VPS36: variants seen among roughly 807,000 people sequenced by gnomAD.
VPS36 encodes vacuolar protein-sorting-associated protein 36.
VPS36 carries 31 observed loss-of-function variants against 63.5 expected under a neutral mutation model. The ratio of observed to expected loss-of-function variants is 0.49; its 90% CI spans 0.37 to 0.66. The LOEUF (loss-of-function observed/expected upper bound fraction) is 0.66, where lower values mean the gene tolerates loss of function less well. VPS36 is among the 30% of genes least tolerant of loss of function. VPS36 has a pLI of 0.00. For missense variants in VPS36, 338 were observed against 463.7 expected, an observed-to-expected ratio of 0.73 and a Z score of 2.49; for synonymous variants, 138 against 157.2, an observed-to-expected ratio of 0.88 and a Z score of 0.91.
At chr13:52,426,837 G>A (rs1741990765) in intron 8 of VPS36, 152 bp downstream of exon 8, 2 of 518,804 alleles carry the variant, frequency 3.9e-6, no homozygotes, top group Admixed American at 4.1e-5. Flanking sequence ...CCTGGGCGAC[G>A]GAGCGACACT....
At chr13:52,424,879 T>C (rs767901467) in intron 9 of VPS36, among the ~76,000 whole-genome samples, 13 of 151,614 alleles carry the variant, frequency 8.6e-5, no homozygotes, top group Admixed American at 1.3e-4. Flanking sequence ...TCCCAGCTAC[T>C]CAGGAGGCTG....
intron 9 of VPS36, among the ~76,000 whole-genome samples, chr13:52,424,895 G>A (rs1256014517): frequency 1.3e-5 from 2 of 152,082 alleles, no homozygotes. Context: ...GGCTGAGGCA[G>A]GAGAATCGCT....
In VPS36 at chr13:52,415,682, T is replaced by C. The variant is rs1349381612; in HGVS notation, c.*148A>G. 4 of 795,846 alleles carry C rather than the reference T, an allele frequency of 5.0e-6. No homozygotes were observed. Among genetic ancestry groups the C allele is most frequent in the African/African-American group, 1.7e-5 (1 of 57,916 alleles). The allele number at this position is 795,846 out of a possible 1,614,324, so 49.3% of individuals were successfully genotyped here. On this transcript the variant is annotated 3_prime_UTR_variant, in exon 14 of 14. Transcript: ENST00000378060. Reference sequence around the variant, plus strand: ...TATACTAAATAAATTTCCTGGACCATATTTAGTGAGAAATTAAAAGAGATT... The same window carrying C: ...TATACTAAATAAATTTCCTGGACCACATTTAGTGAGAAATTAAAAGAGATT...
At chr13:52,430,390 T>C (rs912924459) in intron 6 of VPS36, among the ~76,000 whole-genome samples, 1 of 152,198 alleles carries the variant, frequency 6.6e-6, no homozygotes, top group Non-Finnish European at 1.5e-5. Flanking sequence ...CCCAGCACTT[T>C]GGGAGGCTGA....
In VPS36 at chr13:52,412,631, T is replaced by A. The variant is rs748810511; in HGVS notation, c.*3199A>T. ...TATGTGTTCAAAAAAATGTTTTTTTTATTGAATTGAATGGGAGCTAAAGTA... is the reference window on the plus strand; with the variant it reads ...TATGTGTTCAAAAAAATGTTTTTTTAATTGAATTGAATGGGAGCTAAAGTA... On this transcript the variant is annotated 3_prime_UTR_variant, in exon 14 of 14. Coordinates refer to ENST00000378060, the MANE Select transcript of VPS36 (RefSeq NM_016075.4). The A allele has an allele frequency of 3.3e-5, 5 of 152,218 alleles. No individual in the cohort carries two copies. The highest frequency in any genetic ancestry group is 6.5e-5 in the Admixed American group (1 of 15,280). The allele number at this position is 152,218 out of a possible 1,614,324, so 9.4% of individuals were successfully genotyped here.
At chr13:52,424,848 C>T (rs1019461626) in intron 9 of VPS36, among the ~76,000 whole-genome samples, 2 of 151,904 alleles carry the variant, frequency 1.3e-5, no homozygotes, top group Non-Finnish European at 2.9e-5. Context: ...ATTAGCTGGG[C>T]GTGGTGGTGG....
At chr13:52,437,630 T>C (rs868736638) in intron 3 of VPS36, among the ~76,000 whole-genome samples, 3 of 152,194 alleles carry the variant, frequency 2.0e-5, no homozygotes, top group Non-Finnish European at 4.4e-5. Context: ...CTTCATTAAA[T>C]TTTAAATTTA....
chr13:52,439,667 C>T (rs1465478754), intron 2 of VPS36, among the ~76,000 whole-genome samples: 3 of 152,010 alleles, frequency 2.0e-5, no homozygotes, highest in Non-Finnish European at 1.5e-5. Context: ...AGGATGGTCT[C>T]GATCTCCTGA....
Position 52,416,246 on chromosome 13 carries a change from A to G in VPS36, c.991-153T>C, listed in dbSNP as rs1957991282. 2.2e-5 allele frequency: 16 copies of G among 740,076 alleles called. No individual in the cohort carries two copies. The South Asian group carries it at 2.7e-4, about 13-fold the overall frequency. The allele number at this position is 740,076 out of a possible 1,614,324, so 45.8% of individuals were successfully genotyped here. On this transcript the variant is annotated intron_variant, in intron 12 of 13. Transcript: ENST00000378060. ...CTAAAATCCAAAGAACATTCACACT[A>G]TAACTAAATTTTAACTAATGCTTAA...
intron 9 of VPS36, among the ~76,000 whole-genome samples, chr13:52,425,506 T>G (rs554162455): frequency 6.6e-6 from 1 of 152,278 alleles, no homozygotes; most frequent in East Asian, 1.9e-4. Context: ...CTATTCTATT[T>G]GGCATAGGTT....
At chr13:52,417,659 C>A (rs1958006383) in intron 11 of VPS36, among the ~76,000 whole-genome samples, 3 of 152,224 alleles carry the variant, frequency 2.0e-5, no homozygotes. Context: ...CACGCCCAGC[C>A]ACCTGGCTAC....
In VPS36 at chr13:52,444,354, G is replaced by C. The variant is rs570872311; in HGVS notation, c.97-1909C>G. Reference sequence around the variant, plus strand: ...GGGTGCCTGTAGTCCCAGCTACTCGGGAGGCTGAGGCAGGAGAATGGCATG... The same window carrying C: ...GGGTGCCTGTAGTCCCAGCTACTCGCGAGGCTGAGGCAGGAGAATGGCATG... On this transcript the variant is annotated intron_variant, in intron 1 of 13. Transcript: ENST00000378060. 3.3e-5 allele frequency among the ~76,000 whole-genome samples: 5 copies of C among 151,922 alleles called. No individual in the cohort carries two copies. The East Asian group carries it at 9.7e-4, about 29-fold the overall frequency.
rs193285365 is a variant in VPS36, at chr13:52,446,108, A to C, written c.97-3663T>G. 6.1e-3 allele frequency among the ~76,000 whole-genome samples: 880 copies of C among 145,396 alleles called. 7 individuals are homozygous for C. The highest frequency in any genetic ancestry group is 0.022 in the African/African-American group (826 of 37,472). On this transcript the variant is annotated intron_variant, in intron 1 of 13. Transcript: ENST00000378060. Reference sequence around the variant, plus strand: ...TACTAAAAATAAAAAATAAAAAATAAAAAAAAAAATTGCCGGGCGTGGTGG... The same window carrying C: ...TACTAAAAATAAAAAATAAAAAATACAAAAAAAAATTGCCGGGCGTGGTGG...
chr13:52,449,959 C>T, intron 1 of VPS36: 9 of 985,562 alleles, frequency 9.1e-6, no homozygotes, highest in Non-Finnish European at 1.1e-5. Context: ...CGAAGCAATC[C>T]CTCACCCCTC....
At chr13:52,426,665 C>T (rs1290679196) in intron 8 of VPS36, among the ~76,000 whole-genome samples, 1 of 152,072 alleles carries the variant, frequency 6.6e-6, no homozygotes, top group Admixed American at 6.5e-5. Context: ...ACCATCCTGA[C>T]TAACACGGTG....
At chr13:52,446,381 G>A (rs1432866958) in intron 1 of VPS36, among the ~76,000 whole-genome samples, 1 of 152,124 alleles carries the variant, frequency 6.6e-6, no homozygotes, top group Non-Finnish European at 1.5e-5. Context: ...TAAGGCTGGA[G>A]CCAGCCTATG....
rs1336488069 is a variant in VPS36 at position 52,450,431 on chromosome 13, G to A, written c.96+68C>T. On this transcript the variant is annotated intron_variant, in intron 1 of 13. Coordinates refer to ENST00000378060, the MANE Select transcript of VPS36 (RefSeq NM_016075.4). ...GGGCCGCGCCGACCCGGGCCGCGCT[G>A]AGCCGGGCCGCGCGCCCACCGGGGG... The A allele has an allele frequency of 2.7e-6, 4 of 1,492,106 alleles. No homozygotes were observed. In the African/African-American group the frequency reaches 5.8e-5, roughly 22 times the overall value. 92.4% of individuals were successfully genotyped at this position (1,492,106 alleles called of 1,614,324 possible). A position where few individuals can be genotyped will look rare whatever the true frequency, so the allele number is the denominator to read the frequency against.
At chr13:52,449,261 T>A (rs1958374783) in intron 1 of VPS36, among the ~76,000 whole-genome samples, 1 of 152,166 alleles carries the variant, frequency 6.6e-6, no homozygotes, top group Non-Finnish European at 1.5e-5. Context: ...GGATCTTGAA[T>A]CTGGGAGGCG....
intron 10 of VPS36, among the ~76,000 whole-genome samples, chr13:52,420,009 G>A (rs1958030620): frequency 6.6e-6 from 1 of 152,134 alleles, no homozygotes; most frequent in African/African-American, 2.4e-5. Flanking sequence ...GGGAGGCCAA[G>A]GGGGGTGGAT....
Sources: gnomAD v4.1 joint callset for allele counts (sites outside exome capture counted in the v4.1 genomes callset) on GRCh38, gnomAD v4.1.1 for gene constraint, MANE v1.5 for transcripts, NCBI Gene and HGNC (gene_info 2026-07-23, HGNC 2026-07-21) for gene names.